The following MAPKAPK2 variants were observed in gnomAD, a reference collection of about 807,000 sequenced individuals.
MAPKAPK2 encodes the protein MAP kinase-activated protein kinase 2.
MAPKAPK2 carries 9 observed loss-of-function variants against 48.8 expected under a neutral mutation model. The observed-to-expected ratio is 0.18, with a 90% confidence interval of 0.11 to 0.32. The LOEUF (loss-of-function observed/expected upper bound fraction) is 0.32. MAPKAPK2 is among the 10% of genes least tolerant of loss of function. MAPKAPK2 has a pLI of 1.00. For missense variants in MAPKAPK2, 331 were observed against 498.3 expected, an observed-to-expected ratio of 0.66 and a Z score of 3.20; for synonymous variants, 202 against 190.6, an observed-to-expected ratio of 1.06 and a Z score of -0.49.
intron 1 of MAPKAPK2, among the ~76,000 whole-genome samples, chr1:206,692,314 G>A (rs1205990162): frequency 6.6e-6 from 1 of 152,220 alleles, no homozygotes; most frequent in African/African-American, 2.4e-5. Flanking sequence ...CAGAGCTGAT[G>A]AGGAAATTAG....
rs12130327 is a variant in MAPKAPK2, at chr1:206,720,000, C to A, written c.280-8710C>A. On this transcript the variant is annotated intron_variant, in intron 1 of 9. Coordinates refer to ENST00000367103, the MANE Select transcript of MAPKAPK2 (RefSeq NM_032960.4). Reference sequence around the variant, plus strand: ...TATTATACCCTTGGCATCCTCTAAACCAGTGTGTGGCACATGCTAGGCACT... The same window carrying A: ...TATTATACCCTTGGCATCCTCTAAAACAGTGTGTGGCACATGCTAGGCACT... Among the ~76,000 whole-genome samples the A allele has an allele frequency of 5.0e-3, 762 of 152,304 alleles. 2 individuals are homozygous for A. The highest frequency in any genetic ancestry group is 6.9e-3 in the Admixed American group (105 of 15,302).
intron 1 of MAPKAPK2, among the ~76,000 whole-genome samples, chr1:206,720,512 T>C (rs973380672): frequency 1.7e-4 from 26 of 152,182 alleles, no homozygotes; most frequent in African/African-American, 4.6e-4. Flanking sequence ...CGTGCCACCA[T>C]GCCTGGCTAA....
intron 1 of MAPKAPK2, among the ~76,000 whole-genome samples, chr1:206,726,851 C>T (rs782056174): frequency 2.0e-5 from 3 of 152,236 alleles, no homozygotes; most frequent in Non-Finnish European, 4.4e-5. Context: ...TGGAAATGCT[C>T]ATTTGTCCTT....
At chr1:206,721,921 C>A (rs191682512) in intron 1 of MAPKAPK2, among the ~76,000 whole-genome samples, 1 of 152,044 alleles carries the variant, frequency 6.6e-6, no homozygotes, top group Non-Finnish European at 1.5e-5. Context: ...CAAAATTAGC[C>A]GGGCATGGTG....
chr1:206,712,976 A>ACACACACG (rs1673206161), intron 1 of MAPKAPK2, among the ~76,000 whole-genome samples: 1 of 150,650 alleles, frequency 6.6e-6, no homozygotes, highest in East Asian at 1.9e-4. Context: ...ACACACACAC[A>ACACACACG]CACACACACA....
chr1:206,701,494 G>A (rs1194874602), intron 1 of MAPKAPK2, among the ~76,000 whole-genome samples: 2 of 152,158 alleles, frequency 1.3e-5, no homozygotes, highest in Non-Finnish European at 1.5e-5. Flanking sequence ...GCCCAGGTGA[G>A]AGGGCAAGTA....
intron 1 of MAPKAPK2, among the ~76,000 whole-genome samples, chr1:206,699,483 A>G (rs544391148): frequency 5.8e-4 from 88 of 152,268 alleles, no homozygotes; most frequent in African/African-American, 2.0e-3. Context: ...GGGGCTCCGT[A>G]TTTTGTCTGG....
intron 1 of MAPKAPK2, among the ~76,000 whole-genome samples, chr1:206,727,651 C>T (rs1377954132): frequency 1.3e-5 from 2 of 151,906 alleles, no homozygotes; most frequent in African/African-American, 2.4e-5. Flanking sequence ...GATGGAGTCT[C>T]GCTCTGTTGC....
At chr1:206,718,517 A>C (rs1279380679) in intron 1 of MAPKAPK2, among the ~76,000 whole-genome samples, 2 of 141,586 alleles carry the variant, frequency 1.4e-5, no homozygotes, top group Non-Finnish European at 3.0e-5. Context: ...TGGGCGACAG[A>C]GCAAGACTCC....
In MAPKAPK2 at chr1:206,685,086, CT is replaced by C. The variant is rs2102366086; in HGVS notation, c.-143del. On this transcript the variant is annotated 5_prime_UTR_variant, in exon 1 of 10. Transcript: ENST00000367103. ...CACGGAGCCCCGCGACCCGCCGAGC[CT>C]GGAGCCGGGCCGGGTCGGGGAAGCC... 1 of 190,440 alleles carries C rather than the reference CT, an allele frequency of 5.3e-6. No homozygotes were observed. The highest frequency in any genetic ancestry group is 2.4e-5 in the African/African-American group (1 of 41,948). The allele number at this position is 190,440 out of a possible 1,614,324, so 11.8% of individuals were successfully genotyped here. A position where few individuals can be genotyped will look rare whatever the true frequency, so the allele number is the denominator to read the frequency against.
At position 206,731,881 on chromosome 1, in the gene MAPKAPK2, G is replaced by A. The variant is rs1673926103; in HGVS notation, c.1021G>A (p.Val341Ile). ...VPQTPLHTSR[V>I]LKEDKERWED... ...TCAAACCCCACTGCACACCAGCCGG[G>A]TCCTGAAGGAGGACAAGGAGCGGTG... The change falls in exon 9 of 10, where the codon GTC becomes ATC. Residue 341 changes from valine (V) to isoleucine (I), a missense_variant. This residue lies in a region of MAPKAPK2 where 124 missense variants were observed against 194.6 expected (regional missense o/e 0.64). Transcript: ENST00000367103. The surrounding 1 kb of genome is among the most constrained non-coding windows in gnomAD (Gnocchi z 5.9). 6.2e-7 allele frequency: 1 copy of A among 1,614,142 alleles called. No individual in the cohort carries two copies. Among genetic ancestry groups the A allele is most frequent in the Non-Finnish European group, 8.5e-7 (1 of 1,180,024 alleles).
intron 1 of MAPKAPK2, among the ~76,000 whole-genome samples, chr1:206,699,109 C>T (rs1451811211): frequency 2.6e-5 from 4 of 152,196 alleles, no homozygotes; most frequent in Admixed American, 1.3e-4. Context: ...TTTAGAGGAA[C>T]GAACACCCGT....
chr1:206,726,205 C>T (rs926532117), intron 1 of MAPKAPK2, among the ~76,000 whole-genome samples: 1 of 152,008 alleles, frequency 6.6e-6, no homozygotes, highest in Admixed American at 6.6e-5. Context: ...GCCAACATGG[C>T]GAAACCCGGT....
chr1:206,730,178 G>T lies in MAPKAPK2; in HGVS notation c.691+80G>T. 4 of 1,547,112 alleles carry T rather than the reference G, an allele frequency of 2.6e-6. No individual in the cohort carries two copies. The South Asian group carries it at 4.7e-5, about 18-fold the overall frequency. The stretch of plus-strand genomic sequence containing the variant: ...CCTCCTCTTGGCTATCTGGGGGGCC[G>T]CAAATCCTAGGAGAGTTGTGTCTGT... On this transcript the variant is annotated intron_variant, in intron 5 of 9. Coordinates refer to ENST00000367103, the MANE Select transcript of MAPKAPK2 (RefSeq NM_032960.4).
At chr1:206,711,289 G>A (rs1299773121) in intron 1 of MAPKAPK2, among the ~76,000 whole-genome samples, 8 of 151,888 alleles carry the variant, frequency 5.3e-5, no homozygotes, top group African/African-American at 1.7e-4. Context: ...TCTCTCTGTC[G>A]CCCAGGCTGG....
intron 5 of MAPKAPK2, among the ~76,000 whole-genome samples, chr1:206,730,342 A>G (rs1673862989): frequency 6.6e-6 from 1 of 152,252 alleles, no homozygotes; most frequent in Admixed American, 6.5e-5. Context: ...CAGATTCTCC[A>G]TGGAGTCTGG....
chr1:206,714,632 G>A (rs1356899144), intron 1 of MAPKAPK2, among the ~76,000 whole-genome samples: 1 of 151,634 alleles, frequency 6.6e-6, no homozygotes, highest in Non-Finnish European at 1.5e-5. Context: ...GGGTGTGGTG[G>A]TGGGAGCCTA....
intron 1 of MAPKAPK2, among the ~76,000 whole-genome samples, chr1:206,707,778 G>T (rs1167640983): frequency 6.6e-6 from 1 of 152,204 alleles, no homozygotes; most frequent in Non-Finnish European, 1.5e-5. Flanking sequence ...AAACTACAAA[G>T]TGGACAGTCC....
At position 206,732,900 on chromosome 1, in the gene MAPKAPK2, G is replaced by A; in HGVS notation, c.*182G>A. 1 of 649,008 alleles carries A rather than the reference G, an allele frequency of 1.5e-6. No individual in the cohort carries two copies. Among genetic ancestry groups the A allele is most frequent in the Non-Finnish European group, 2.5e-6 (1 of 396,882 alleles). 40.2% of individuals were successfully genotyped at this position (649,008 alleles called of 1,614,324 possible). A position where few individuals can be genotyped will look rare whatever the true frequency, so the allele number is the denominator to read the frequency against. The stretch of plus-strand genomic sequence containing the variant: ...TGGCCACCCCAGAGTGGGAGAGGCT[G>A]GGAGGTTGGGAGGCTGTGGAGAGAA... On this transcript the variant is annotated 3_prime_UTR_variant, in exon 10 of 10. Transcript: ENST00000367103. This position sits in a 1 kb window ranked among gnomAD's most constrained non-coding sequence, Gnocchi z 4.4.
Sources: gnomAD v4.1 joint callset for allele counts (sites outside exome capture counted in the v4.1 genomes callset) on GRCh38, gnomAD v4.1.1 for gene constraint, gnomAD v4.1.1 regional missense constraint, Gnocchi (gnomAD v3.1) non-coding constraint, MANE v1.5 for transcripts, NCBI Gene and HGNC (gene_info 2026-07-23, HGNC 2026-07-21) for gene names.